Variants in SCAPER observed in about 807,000 individuals in gnomAD.
SCAPER encodes S phase cyclin A-associated protein in the endoplasmic reticulum.
A neutral mutation model predicts 182.2 loss-of-function variants in SCAPER; 98 were observed. The ratio of observed to expected loss-of-function variants is 0.54; its 90% CI spans 0.46 to 0.64. The LOEUF is 0.64. Among genes scored for constraint, SCAPER ranks in the 30% least tolerant of loss-of-function variants. The probability of loss-of-function intolerance (pLI) is 0.00; values close to 1 mark genes in which losing one functional copy is unlikely to be tolerated. For synonymous variants in SCAPER, 605 were observed against 564.6 expected (o/e 1.07, Z -1.01); for missense variants, 1,432 against 1,690.0 (o/e 0.85, Z 2.68).
Position 76,764,954 on chromosome 15 carries a change from A to G in SCAPER, c.1725+7T>C. 5.9e-6 allele frequency: 9 copies of G among 1,521,060 alleles called. No individual in the cohort carries two copies. The highest frequency in any genetic ancestry group is 8.1e-6 in the Non-Finnish European group (9 of 1,114,570). The allele number at this position is 1,521,060 out of a possible 1,614,324, so 94.2% of individuals were successfully genotyped here. On this transcript the variant is annotated splice_region_variant and intron_variant, in intron 14 of 31. Transcript: ENST00000563290. ...CTATCATAATTTCCTAAAAAATAAAAACTCACCCTTTCTAACAATTTCTGA... is the reference window on the plus strand; with the variant it reads ...CTATCATAATTTCCTAAAAAATAAAGACTCACCCTTTCTAACAATTTCTGA...
At chr15:76,903,060 C>CAA (rs34255827) in intron 1 of SCAPER, among the ~76,000 whole-genome samples, 45,363 of 137,512 alleles carry the variant, frequency 0.33, 7,302 homozygotes, top group East Asian at 0.55. Flanking sequence ...GACTCGGTTT[C>CAA]AAAAAAAAAA....
At chr15:76,610,601 A>G (rs982263425) in intron 22 of SCAPER, among the ~76,000 whole-genome samples, 1 of 152,232 alleles carries the variant, frequency 6.6e-6, no homozygotes, top group East Asian at 1.9e-4. Flanking sequence ...ATACAAAATC[A>G]ACATACAAAA....
chr15:76,614,734 G>A (rs1229300229), intron 22 of SCAPER, among the ~76,000 whole-genome samples: 1 of 152,076 alleles, frequency 6.6e-6, no homozygotes, highest in Non-Finnish European at 1.5e-5. Flanking sequence ...TAAACCCAAA[G>A]CTTTATTATT....
chr15:76,439,857 C>T (rs1243875763), intron 25 of SCAPER, among the ~76,000 whole-genome samples: 1 of 152,214 alleles, frequency 6.6e-6, no homozygotes. Flanking sequence ...TTTGGTCCTT[C>T]TGAATCTCTC....
At chr15:76,519,860 C>G (rs2042706700) in intron 23 of SCAPER, among the ~76,000 whole-genome samples, 1 of 152,202 alleles carries the variant, frequency 6.6e-6, no homozygotes, top group South Asian at 2.1e-4. Flanking sequence ...AGTTCCTACT[C>G]TAGAGAGCTC....
chr15:76,797,871 G>GT (rs2065442101), intron 7 of SCAPER, among the ~76,000 whole-genome samples: 1 of 150,708 alleles, frequency 6.6e-6, no homozygotes, highest in Admixed American at 6.6e-5. Flanking sequence ...CCTGGAGAGA[G>GT]TAGCTATCTG....
At chr15:76,660,100 T>C (rs1168527323) in intron 21 of SCAPER, among the ~76,000 whole-genome samples, 1 of 152,192 alleles carries the variant, frequency 6.6e-6, no homozygotes, top group Non-Finnish European at 1.5e-5. Flanking sequence ...GCAATATGGA[T>C]GAAGCTGGAG....
At chr15:76,567,165 T>C (rs1159759706) in intron 23 of SCAPER, 3 of 273,744 alleles carry the variant, frequency 1.1e-5, no homozygotes, top group Admixed American at 5.1e-5. Context: ...TATTTTTTGG[T>C]GACTTGTTTC....
At chr15:76,409,242 A>G (rs1351661879) in intron 26 of SCAPER, among the ~76,000 whole-genome samples, 12 of 152,192 alleles carry the variant, frequency 7.9e-5, no homozygotes, top group Non-Finnish European at 4.4e-5. Context: ...CAAAAGCAAC[A>G]TATCTTTTGC....
At chr15:76,805,577 G>A (rs564323600) in intron 5 of SCAPER, among the ~76,000 whole-genome samples, 1 of 52,998 alleles carries the variant, frequency 1.9e-5, no homozygotes, top group South Asian at 6.2e-4. Context: ...TTTTTTTTTT[G>A]GAGACGGAGT....
rs931799041 is a variant in SCAPER, at chr15:76,800,377, T to C, written c.495-13A>G. 1.4e-6 allele frequency: 2 copies of C among 1,478,126 alleles called. No individual in the cohort carries two copies. The highest frequency in any genetic ancestry group is 2.8e-5 in the African/African-American group (2 of 72,368). 91.6% of individuals were successfully genotyped at this position (1,478,126 alleles called of 1,614,324 possible). A position where few individuals can be genotyped will look rare whatever the true frequency, so the allele number is the denominator to read the frequency against. ...CAATGATGTTGGTCTGCGAATTCAA[T>C]ATATAAACCAGATTAAATTAACAGA... On this transcript the variant is annotated splice_polypyrimidine_tract_variant and intron_variant, in intron 6 of 31. Transcript: ENST00000563290.
At chr15:76,701,034 A>G (rs1229550596) in intron 20 of SCAPER, among the ~76,000 whole-genome samples, 3 of 151,858 alleles carry the variant, frequency 2.0e-5, no homozygotes, top group Non-Finnish European at 2.9e-5. Flanking sequence ...GTTTATACAT[A>G]TGTAAAAATT....
chr15:76,624,105 A>C (rs1293494959), intron 21 of SCAPER, among the ~76,000 whole-genome samples: 1 of 152,226 alleles, frequency 6.6e-6, no homozygotes, highest in African/African-American at 2.4e-5. Context: ...AAGTCAAATT[A>C]TCTCTCTTCA....
intron 17 of SCAPER, among the ~76,000 whole-genome samples, chr15:76,724,339 C>G (rs1310481530): frequency 2.0e-5 from 3 of 152,180 alleles, no homozygotes; most frequent in African/African-American, 7.2e-5. Flanking sequence ...CCCAACCTTT[C>G]TCTCTGGCTG....
At chr15:76,458,280 C>A in intron 25 of SCAPER, among the ~76,000 whole-genome samples, 1 of 148,976 alleles carries the variant, frequency 6.7e-6, no homozygotes. Flanking sequence ...TGTGTGTGTG[C>A]GTGTATATAA....
intron 15 of SCAPER, among the ~76,000 whole-genome samples, chr15:76,741,693 A>C (rs1403551732): frequency 3.9e-5 from 6 of 152,168 alleles, no homozygotes; most frequent in Non-Finnish European, 8.8e-5. Flanking sequence ...TGTCAAGAAG[A>C]GATTAAAAAG....
intron 8 of SCAPER, among the ~76,000 whole-genome samples, chr15:76,784,252 G>C (rs1304656750): frequency 6.6e-6 from 1 of 152,120 alleles, no homozygotes; most frequent in Non-Finnish European, 1.5e-5. Flanking sequence ...CAGACAAACA[G>C]AGAGCCAAAT....
intron 25 of SCAPER, among the ~76,000 whole-genome samples, chr15:76,439,661 C>G (rs1159112034): frequency 6.6e-6 from 1 of 152,230 alleles, no homozygotes; most frequent in Non-Finnish European, 1.5e-5. Flanking sequence ...TGCAAGCAAC[C>G]TCCTCCCTTC....
chr15:76,880,007 G>T (rs1024385742), intron 2 of SCAPER, among the ~76,000 whole-genome samples: 2 of 152,210 alleles, frequency 1.3e-5, no homozygotes, highest in African/African-American at 2.4e-5. Flanking sequence ...CTGGCAGAAT[G>T]ATTTTTAAAA....
Sources: allele counts gnomAD v4.1 joint callset (sites outside exome capture counted in the v4.1 genomes callset), GRCh38; gene constraint gnomAD v4.1.1; transcripts MANE v1.5; gene names NCBI Gene and HGNC (gene_info 2026-07-23, HGNC 2026-07-21).